The following SUPT3H variants were observed in gnomAD, a reference collection of about 807,000 sequenced individuals.
SUPT3H encodes the protein SPT3 homolog, SAGA and STAGA complex component.
SUPT3H carries 44 observed loss-of-function variants against 44.3 expected under a neutral mutation model. The observed-to-expected ratio is 0.99, with a 90% CI of 0.78 to 1.28. The LOEUF is 1.28. SUPT3H is among the 50% of genes most tolerant of loss of function. The probability of loss-of-function intolerance (pLI) is 0.00; values close to 1 mark genes in which losing one functional copy is unlikely to be tolerated. For synonymous variants in SUPT3H, 124 were observed against 125.6 expected, an observed-to-expected ratio of 0.99 and a Z score of 0.09; for missense variants, 380 against 387.1, an observed-to-expected ratio of 0.98 and a Z score of 0.15.
chr6:44,931,392 G>A (rs1440243004), intron 10 of SUPT3H, among the ~76,000 whole-genome samples: 1 of 150,986 alleles, frequency 6.6e-6, no homozygotes, highest in Middle Eastern at 3.2e-3. Flanking sequence ...TTCACTCTCA[G>A]TTGGTTTTTA....
In SUPT3H at chr6:45,105,982, C is replaced by T. The variant is rs747488014; in HGVS notation, c.126G>A (p.Arg42=). The T allele has an allele frequency of 2.2e-5, 36 of 1,613,494 alleles. 1 individual carries two copies. The Admixed American group carries it at 4.3e-4, about 19-fold the overall frequency. ...CCAAAACTGCTGTTTCATGAAGAGG[C>T]CTTCTAGCATCACCTAAAGAATACC... ...SMMYSLGDAR[R]PLHETAVLVE... Residue 42 remains arginine (R), a synonymous_variant, in exon 3 of 11, where the codon AGG becomes AGA. Coordinates refer to ENST00000371459, the MANE Select transcript of SUPT3H (RefSeq NM_003599.4).
intron 2 of SUPT3H, among the ~76,000 whole-genome samples, chr6:45,241,190 G>A (rs1416876753): frequency 1.3e-5 from 2 of 150,580 alleles, no homozygotes; most frequent in Non-Finnish European, 1.5e-5. Context: ...AAAAAAGGGG[G>A]ACATGTTGGG....
intron 2 of SUPT3H, among the ~76,000 whole-genome samples, chr6:45,320,901 A>T (rs902227807): frequency 2.0e-5 from 3 of 152,132 alleles, no homozygotes; most frequent in Admixed American, 1.3e-4. Context: ...AGTAGTATAA[A>T]TAATTTAGTA....
At chr6:45,139,360 A>C (rs1354635664) in intron 2 of SUPT3H, among the ~76,000 whole-genome samples, 1 of 152,208 alleles carries the variant, frequency 6.6e-6, no homozygotes, top group Non-Finnish European at 1.5e-5. Context: ...TTTTCTTGAC[A>C]GAGGTAGGGG....
chr6:45,024,744 A>C (rs1425152491), intron 3 of SUPT3H, among the ~76,000 whole-genome samples: 1 of 152,226 alleles, frequency 6.6e-6, no homozygotes, highest in East Asian at 1.9e-4. Context: ...GGATGAGATT[A>C]ACAGTTCAAT....
intron 3 of SUPT3H, among the ~76,000 whole-genome samples, chr6:45,102,459 C>G: frequency 6.6e-6 from 1 of 151,828 alleles, no homozygotes; most frequent in South Asian, 2.1e-4. Flanking sequence ...AAAACAAAAC[C>G]AACAAAAAGT....
intron 2 of SUPT3H, among the ~76,000 whole-genome samples, chr6:45,343,670 T>A (rs1453182534): frequency 6.6e-6 from 1 of 152,214 alleles, no homozygotes; most frequent in Non-Finnish European, 1.5e-5. Flanking sequence ...TATTTCTTCA[T>A]GTTGTCAATG....
At chr6:45,000,104 GTATT>G (rs1292153268) in intron 6 of SUPT3H, among the ~76,000 whole-genome samples, 3 of 151,624 alleles carry the variant, frequency 2.0e-5, no homozygotes, top group African/African-American at 7.3e-5. Context: ...ATACATACAT[GTATT>G]TATTATGTAC....
intron 6 of SUPT3H, among the ~76,000 whole-genome samples, chr6:45,003,404 G>C (rs1782264356): frequency 6.6e-6 from 1 of 152,108 alleles, no homozygotes; most frequent in Admixed American, 6.6e-5. Flanking sequence ...ATCCAGAGTA[G>C]GGAAACCTAA....
chr6:44,846,636 T>C (rs1002469352), intron 10 of SUPT3H, among the ~76,000 whole-genome samples: 11 of 152,072 alleles, frequency 7.2e-5, no homozygotes, highest in Non-Finnish European at 1.6e-4. Flanking sequence ...TTGAATTTTT[T>C]TTTTTTTCTT....
At chr6:44,985,922 T>C (rs1477231028) in intron 6 of SUPT3H, among the ~76,000 whole-genome samples, 1 of 152,180 alleles carries the variant, frequency 6.6e-6, no homozygotes, top group Non-Finnish European at 1.5e-5. Flanking sequence ...TGGCCCTTCA[T>C]GTGTTTTTAA....
intron 3 of SUPT3H, among the ~76,000 whole-genome samples, chr6:45,092,473 G>A (rs893565583): frequency 2.0e-5 from 3 of 151,968 alleles, no homozygotes; most frequent in Admixed American, 6.6e-5. Flanking sequence ...GAAGTCAGCC[G>A]GGTGCGGTGG....
intron 2 of SUPT3H, among the ~76,000 whole-genome samples, chr6:45,172,742 C>A (rs1811033620): frequency 6.6e-6 from 1 of 151,864 alleles, no homozygotes; most frequent in East Asian, 1.9e-4. Flanking sequence ...CAGGTGCGCA[C>A]CACCGTGCCC....
chr6:45,206,145 C>G (rs1211330832), intron 2 of SUPT3H, among the ~76,000 whole-genome samples: 1 of 151,960 alleles, frequency 6.6e-6, no homozygotes, highest in African/African-American at 2.4e-5. Context: ...CAATACTGAA[C>G]AAAACTGACT....
At chr6:45,120,428 AAAAAAAAAAAAAAG>A (rs1801475662) in intron 2 of SUPT3H, among the ~76,000 whole-genome samples, 1 of 147,250 alleles carries the variant, frequency 6.8e-6, no homozygotes, top group Non-Finnish European at 1.5e-5. Flanking sequence ...AAAAAAAAAA[AAAAAAAAAAAAAAG>A]ACTATATAAG....
In SUPT3H at chr6:44,953,290, C is replaced by G; in HGVS notation, c.801+20G>C. ...GTCAAAATTCACAAATGTTTTAAGA[C>G]AGATTTTTTTTGTACTTACCTCAGC... On this transcript the variant is annotated intron_variant, in intron 9 of 10. Coordinates refer to ENST00000371459, the MANE Select transcript of SUPT3H (RefSeq NM_003599.4). 1 of 1,597,718 alleles carries G rather than the reference C, an allele frequency of 6.3e-7. No homozygotes were observed. Among genetic ancestry groups the G allele is most frequent in the East Asian group, 2.2e-5 (1 of 44,750 alleles).
chr6:44,839,891 G>T (rs539135603), intron 10 of SUPT3H, among the ~76,000 whole-genome samples: 1 of 152,214 alleles, frequency 6.6e-6, no homozygotes, highest in South Asian at 2.1e-4. Context: ...TAGTAGAGAT[G>T]GGGTTTCACC....
intron 2 of SUPT3H, among the ~76,000 whole-genome samples, chr6:45,265,996 T>C (rs949104381): frequency 5.9e-5 from 9 of 152,108 alleles, no homozygotes; most frequent in African/African-American, 2.2e-4. Context: ...AACAGTTGCC[T>C]CACATTAGAA....
At chr6:45,002,377 T>C (rs1282021414) in intron 6 of SUPT3H, among the ~76,000 whole-genome samples, 1 of 152,062 alleles carries the variant, frequency 6.6e-6, no homozygotes. Flanking sequence ...GATCTTCCCA[T>C]CAAAATTGAA....
Sources: allele counts gnomAD v4.1 joint callset (sites outside exome capture counted in the v4.1 genomes callset), GRCh38; gene constraint gnomAD v4.1.1; transcripts MANE v1.5; gene names NCBI Gene and HGNC (gene_info 2026-07-23, HGNC 2026-07-21).